SCEL: variants seen among roughly 807,000 people sequenced by gnomAD.
The protein encoded by SCEL is sciellin.
In SCEL, 113 loss-of-function variants were observed where a neutral mutation model predicts 117.6. The ratio of observed to expected loss-of-function variants is 0.96; its 90% CI spans 0.83 to 1.12. SCEL has a LOEUF of 1.12. Among genes scored for constraint, SCEL ranks in the 50% most tolerant of loss-of-function variants. The pLI is 0.00. For synonymous variants in SCEL, 270 were observed against 256.2 expected, an observed-to-expected ratio of 1.05 and a Z score of -0.51; for missense variants, 785 against 810.8, an observed-to-expected ratio of 0.97 and a Z score of 0.39.
intron 7 of SCEL, 148 bp from the exon 8 acceptor site, chr13:77,569,223 G>T (rs2085458058): frequency 1.7e-6 from 1 of 599,860 alleles, no homozygotes; most frequent in East Asian, 2.9e-5. Flanking sequence ...TAAGGAAGAA[G>T]ATTTTTGGCT....
intron 30 of SCEL, among the ~76,000 whole-genome samples, chr13:77,638,991 G>T (rs1214637545): frequency 1.3e-5 from 2 of 151,950 alleles, no homozygotes; most frequent in Non-Finnish European, 2.9e-5. Context: ...GGTTCTCTTG[G>T]CTCTGTTCTC....
intron 12 of SCEL, among the ~76,000 whole-genome samples, chr13:77,594,771 C>T (rs930860236): frequency 2.6e-5 from 4 of 152,114 alleles, no homozygotes; most frequent in Admixed American, 2.6e-4. Flanking sequence ...GTCCAAAGCT[C>T]TCAAAAATAT....
chr13:77,644,168 C>G, intron 32 of SCEL, 90 bp from the exon 33 acceptor site: 1 of 1,372,518 alleles, frequency 7.3e-7, no homozygotes, highest in Non-Finnish European at 1.0e-6. Context: ...TAATCTACCA[C>G]TACCCGTTGG....
rs771127224 is a variant in SCEL at position 77,569,352 on chromosome 13, T to A, written c.399-19T>A. The A allele has an allele frequency of 6.2e-7, 1 of 1,603,968 alleles. No homozygotes were observed. Among genetic ancestry groups the A allele is most frequent in the East Asian group, 2.2e-5 (1 of 44,814 alleles). On this transcript the variant is annotated intron_variant, in intron 7 of 32. Coordinates refer to ENST00000349847, the MANE Select transcript of SCEL (RefSeq NM_144777.3). ...AAAGTTTGAGAGTGGGATTAATTGT[T>A]GTTCTTGTCATTAAACAGGCAACCT...
At chr13:77,639,010 G>T (rs2090433200) in intron 30 of SCEL, among the ~76,000 whole-genome samples, 1 of 152,038 alleles carries the variant, frequency 6.6e-6, no homozygotes, top group African/African-American at 2.4e-5. Flanking sequence ...TCCTCAGTCT[G>T]TCCACGTACC....
At chr13:77,613,999 A>G (rs1352007160) in intron 24 of SCEL, 44 bp downstream of exon 24, 2 of 1,415,644 alleles carry the variant, frequency 1.4e-6, no homozygotes, top group Non-Finnish European at 2.0e-6. Context: ...CGTTAAGTAA[A>G]CCCAAAATTA....
At chr13:77,585,363 G>A (rs1270487441) in intron 9 of SCEL, among the ~76,000 whole-genome samples, 1 of 152,152 alleles carries the variant, frequency 6.6e-6, no homozygotes, top group Non-Finnish European at 1.5e-5. Flanking sequence ...GAATTTCCAG[G>A]TGAAGGGAAG....
chr13:77,599,766 C>T lies in SCEL; in HGVS notation c.917+18C>T, dbSNP rs759157716. 5 of 1,566,710 alleles carry T rather than the reference C, an allele frequency of 3.2e-6. No homozygotes were observed. The highest frequency in any genetic ancestry group is 4.4e-6 in the Non-Finnish European group (5 of 1,137,084). On this transcript the variant is annotated intron_variant, in intron 15 of 32. Coordinates refer to ENST00000349847, the MANE Select transcript of SCEL (RefSeq NM_144777.3). ...GGCAAAGGGTAAGATTTTATTAAGA[C>T]AGACCATTTTGATTGAGTCCCAGAT... is the stretch of plus-strand genomic sequence containing the variant.
intron 4 of SCEL, among the ~76,000 whole-genome samples, chr13:77,560,715 C>CA (rs2084932544): frequency 6.6e-6 from 1 of 152,306 alleles, no homozygotes; most frequent in African/African-American, 2.4e-5. Flanking sequence ...ATTCTTACCA[C>CA]AACACAGTTG....
intron 29 of SCEL, among the ~76,000 whole-genome samples, chr13:77,636,793 C>G (rs568935684): frequency 3.9e-5 from 6 of 152,182 alleles, no homozygotes; most frequent in African/African-American, 1.4e-4. Context: ...TTTTCTTTAT[C>G]TACTTTACAT....
chr13:77,578,917 A>G (rs968555872), intron 9 of SCEL, among the ~76,000 whole-genome samples: 10 of 152,198 alleles, frequency 6.6e-5, no homozygotes, highest in Non-Finnish European at 1.3e-4. Context: ...AATGAACCCA[A>G]GGATTTAAAA....
intron 28 of SCEL, among the ~76,000 whole-genome samples, chr13:77,632,144 A>G (rs1450809971): frequency 1.3e-5 from 2 of 152,214 alleles, no homozygotes; most frequent in East Asian, 1.9e-4. Flanking sequence ...GTCTCCTAAT[A>G]TAGTCACATT....
chr13:77,611,869 A>G (rs750114896), intron 22 of SCEL, among the ~76,000 whole-genome samples: 3 of 152,154 alleles, frequency 2.0e-5, no homozygotes, highest in Non-Finnish European at 4.4e-5. Context: ...ATTAGACATT[A>G]TCTGTTAGTA....
chr13:77,538,408 G>C (rs544030149), intron 1 of SCEL, among the ~76,000 whole-genome samples: 1 of 152,068 alleles, frequency 6.6e-6, no homozygotes. Context: ...TAGCCAATGC[G>C]CCCGGCCTTA....
At chr13:77,609,693 A>T (rs2088495433) in intron 21 of SCEL, among the ~76,000 whole-genome samples, 1 of 152,210 alleles carries the variant, frequency 6.6e-6, no homozygotes. Flanking sequence ...AAAATTACTT[A>T]AGGTTTCTGT....
chr13:77,582,723 T>C (rs2086333642), intron 9 of SCEL, among the ~76,000 whole-genome samples: 1 of 152,232 alleles, frequency 6.6e-6, no homozygotes, highest in South Asian at 2.1e-4. Flanking sequence ...GTTTTTTTAA[T>C]TTAATGAAAT....
intron 12 of SCEL, among the ~76,000 whole-genome samples, chr13:77,596,623 T>C (rs1417556274): frequency 2.0e-5 from 3 of 151,878 alleles, no homozygotes; most frequent in African/African-American, 4.8e-5. Flanking sequence ...CAAGGAAACT[T>C]GAATGCGTAA....
chr13:77,544,329 CT>C (rs778962569), intron 1 of SCEL, among the ~76,000 whole-genome samples: 4 of 152,034 alleles, frequency 2.6e-5, no homozygotes, highest in Non-Finnish European at 4.4e-5. Flanking sequence ...ATTTTAGTTT[CT>C]TTGTTCACAC....
chr13:77,593,622 C>G, intron 12 of SCEL, 49 bp downstream of exon 12: 1 of 1,402,348 alleles, frequency 7.1e-7, no homozygotes, highest in Non-Finnish European at 1.0e-6. Context: ...CCTGGTGTTT[C>G]AAAAATGCTT....
Sources: allele counts gnomAD v4.1 joint callset (sites outside exome capture counted in the v4.1 genomes callset), GRCh38; gene constraint gnomAD v4.1.1; transcripts MANE v1.5; gene names NCBI Gene and HGNC (gene_info 2026-07-23, HGNC 2026-07-21).